CDHR2: variants seen among roughly 807,000 people sequenced by gnomAD.
CDHR2 encodes the protein cadherin-related family member 2.
CDHR2 carries 104 observed loss-of-function variants against 138.6 expected under a neutral mutation model. The ratio of observed to expected loss-of-function variants is 0.75; its 90% CI spans 0.64 to 0.88. The LOEUF (loss-of-function observed/expected upper bound fraction) is 0.88. Ranked by LOEUF, CDHR2 falls within the 40% of genes least tolerant of loss-of-function variation. CDHR2 has a pLI of 0.00. For synonymous variants in CDHR2, 755 were observed against 742.8 expected, an observed-to-expected ratio of 1.02 and a Z score of -0.27; for missense variants, 1,624 against 1,727.6, an observed-to-expected ratio of 0.94 and a Z score of 1.06.
Position 176,595,782 on chromosome 5 carries a change from C to A in CDHR2, c.*110C>A, listed in dbSNP as rs985571144. 3.4e-5 allele frequency: 37 copies of A among 1,099,216 alleles called. No individual in the cohort carries two copies. Among genetic ancestry groups the A allele is most frequent in the Non-Finnish European group, 4.0e-5 (32 of 799,686 alleles). The allele number at this position is 1,099,216 out of a possible 1,614,324, so 68.1% of individuals were successfully genotyped here. A position where few individuals can be genotyped will look rare whatever the true frequency, so the allele number is the denominator to read the frequency against. ...ACGCTGCCCTGCCTCCTGCTTTTGG[C>A]CAATCACGGCAGACAGGGGTTGGGG... is the stretch of plus-strand genomic sequence containing the variant. On this transcript the variant is annotated 3_prime_UTR_variant, in exon 32 of 32. Transcript: ENST00000261944.
At chr5:176,585,094 A>T (rs1758628939) in intron 19 of CDHR2, 79 bp downstream of exon 19, 1 of 1,443,992 alleles carries the variant, frequency 6.9e-7, no homozygotes, top group Non-Finnish European at 9.2e-7. Flanking sequence ...TGGAACTCAC[A>T]AGGTCTGGGC....
chr5:176,577,989 G>A (rs371400657), intron 14 of CDHR2, 45 bp from the exon 15 acceptor site: 241 of 1,564,972 alleles, frequency 1.5e-4, no homozygotes, highest in Middle Eastern at 1.2e-3. Flanking sequence ...GTGGCGGTGC[G>A]TGCATCGCCT....
rs1758974093 is a variant in CDHR2 at position 176,594,685 on chromosome 5, CG to C, written c.3793-845del. Among the ~76,000 whole-genome samples, 4 of 152,314 alleles carry C rather than the reference CG, an allele frequency of 2.6e-5. No individual in the cohort carries two copies. In the South Asian group the frequency reaches 8.3e-4, roughly 32 times the overall value. On this transcript the variant is annotated intron_variant, in intron 31 of 31. Transcript: ENST00000261944. ...AATGCTTAGCCCCTCTGGGGCCCCT[CG>C]GATGTTCCACTGTTTACTAGGGACC... is the stretch of plus-strand genomic sequence containing the variant.
chr5:176,578,891 A>C (rs1758466507), intron 16 of CDHR2, among the ~76,000 whole-genome samples: 1 of 152,224 alleles, frequency 6.6e-6, no homozygotes, highest in Non-Finnish European at 1.5e-5. Flanking sequence ...CCCCACTCCA[A>C]AAAGGACTTG....
At chr5:176,584,031 C>G (rs1386524856) in intron 17 of CDHR2, among the ~76,000 whole-genome samples, 159 bp from the exon 18 acceptor site, 6 of 152,142 alleles carry the variant, frequency 3.9e-5, no homozygotes, top group African/African-American at 1.4e-4. Context: ...GGCAAGTTCC[C>G]TCCTCTCAGA....
At chr5:176,573,916 G>A (rs1047535717) in intron 6 of CDHR2, among the ~76,000 whole-genome samples, 167 bp from the exon 7 acceptor site, 1 of 152,068 alleles carries the variant, frequency 6.6e-6, no homozygotes, top group Non-Finnish European at 1.5e-5. Context: ...CCTCTCTGCC[G>A]CCCCGCACCC....
At chr5:176,571,410 T>A in intron 6 of CDHR2, 108 bp downstream of exon 6, 1 of 687,420 alleles carries the variant, frequency 1.5e-6, no homozygotes, top group Non-Finnish European at 2.3e-6. Context: ...GGGAAAAACC[T>A]CTCCTAGCAG....
chr5:176,584,541 G>A lies in CDHR2; in HGVS notation c.2260G>A (p.Ala754Thr). The A allele has an allele frequency of 6.2e-7, 1 of 1,613,118 alleles. No individual in the cohort carries two copies. Among genetic ancestry groups the A allele is most frequent in the South Asian group, 1.1e-5 (1 of 90,956 alleles). ...IRGLVLGAGWAEGYLRLPPDV... is the reference protein window; with the variant it reads ...IRGLVLGAGWTEGYLRLPPDV... Reference sequence around the variant, plus strand: ...AGGCTTGGTGCTGGGGGCTGGGTGGGCTGAGGGCTACCTCCGGCTGCCCCC... The same window carrying A: ...AGGCTTGGTGCTGGGGGCTGGGTGGACTGAGGGCTACCTCCGGCTGCCCCC... The change falls in exon 19 of 32, where the codon GCT becomes ACT. Residue 754 changes from alanine (A) to threonine (T), a missense_variant. Coordinates refer to ENST00000261944, the MANE Select transcript of CDHR2 (RefSeq NM_017675.6).
At chr5:176,578,834 A>G (rs1758465253) in intron 16 of CDHR2, among the ~76,000 whole-genome samples, 1 of 152,250 alleles carries the variant, frequency 6.6e-6, no homozygotes. Flanking sequence ...TGGGCCTGCC[A>G]GAGAAATCCC....
intron 20 of CDHR2, 63 bp from the exon 21 acceptor site, chr5:176,586,730 C>T: frequency 6.8e-7 from 1 of 1,479,474 alleles, no homozygotes; most frequent in Non-Finnish European, 9.3e-7. Context: ...GGCTCGTGAC[C>T]AGCCTTGGTC....
intron 15 of CDHR2, 118 bp from the exon 16 acceptor site, chr5:176,578,247 T>G: frequency 8.1e-7 from 1 of 1,227,038 alleles, no homozygotes; most frequent in Non-Finnish European, 1.2e-6. Context: ...TTTGAAATAA[T>G]GAATATGTTG....
In CDHR2 at chr5:176,581,399, G is replaced by T; in HGVS notation, c.1875G>T (p.Leu625=). 1 of 1,614,116 alleles carries T rather than the reference G, an allele frequency of 6.2e-7. No individual in the cohort carries two copies. ...ACAGCCGTCTGCTCTTCAACCTGCT[G>T]CCTGGCCCCTACAGCCACAACTTCT... ...TNNSRLLFNL[L]PGPYSHNFSL... Residue 625 remains leucine, a synonymous_variant, in exon 17 of 32, where the codon CTG becomes CTT. Coordinates refer to ENST00000261944, the MANE Select transcript of CDHR2 (RefSeq NM_017675.6).
intron 3 of CDHR2, chr5:176,567,017 C>G (rs764128210): frequency 3.1e-5 from 14 of 456,132 alleles, no homozygotes; most frequent in South Asian, 2.2e-4. Context: ...TTGACAAATA[C>G]AAAACCTGTG....
At position 176,590,437 on chromosome 5, in the gene CDHR2, T is replaced by A. The variant is rs750046906; in HGVS notation, c.3366T>A (p.Asn1122Lys). 1 of 1,613,892 alleles carries A rather than the reference T, an allele frequency of 6.2e-7. No homozygotes were observed. Among genetic ancestry groups the A allele is most frequent in the African/African-American group, 1.3e-5 (1 of 74,886 alleles). The change falls in exon 27 of 32, where the codon AAT becomes AAA. Residue 1122 changes from asparagine (N) to lysine (K), a missense_variant. By Grantham distance (94) the Asn-to-Lys change is moderately conservative. Around this residue, in one of 3 missense-constraint regions of CDHR2, gnomAD observed 556 missense variants for 565.7 expected, o/e 0.98. Transcript: ENST00000261944. ...TLDELSVMIRNDQDSLTQLLQ... is the reference protein window; with the variant it reads ...TLDELSVMIRKDQDSLTQLLQ... ...GTTCTGTGGCCAGGATGATCCGGAA[T>A]GATCAGGACTCGCTGACGCAGCTGC...
In CDHR2 at chr5:176,591,077, C is replaced by G; in HGVS notation, c.3540-133C>G. The G allele has an allele frequency of 9.2e-6, 6 of 655,246 alleles. No individual in the cohort carries two copies. The South Asian group carries it at 1.1e-4, about 12-fold the overall frequency. The allele number at this position is 655,246 out of a possible 1,614,324, so 40.6% of individuals were successfully genotyped here. On this transcript the variant is annotated intron_variant, in intron 28 of 31. Coordinates refer to ENST00000261944, the MANE Select transcript of CDHR2 (RefSeq NM_017675.6). ...GGCAAATCACTTGCCTTCTCTGGCT[C>G]TTACTTCTACCCTCTGTAAAATAGA...
Position 176,578,427 on chromosome 5 carries a change from T to C in CDHR2, c.1637T>C (p.Leu546Pro), listed in dbSNP as rs1758452253. ...GTVTVRNGELLDRESQAVYYL... is the reference protein window; with the variant it reads ...GTVTVRNGELPDRESQAVYYL... ...GTGACGGTGAGGAACGGTGAGCTGC[T>C]GGACCGGGAGAGCCAGGCCGTGTAC... Residue 546 changes from leucine (L) to proline (P), a missense_variant, in exon 16 of 32, where the codon CTG becomes CCG. By Grantham distance (98) the Leu-to-Pro change is moderately conservative. This residue lies in a region of CDHR2 where 1,061 missense variants were observed against 1,136.6 expected (regional missense o/e 0.93). Transcript: ENST00000261944. 1 of 1,614,018 alleles carries C rather than the reference T, an allele frequency of 6.2e-7. No individual in the cohort carries two copies. Among genetic ancestry groups the C allele is most frequent in the African/African-American group, 1.3e-5 (1 of 74,938 alleles).
intron 30 of CDHR2, among the ~76,000 whole-genome samples, chr5:176,592,004 GGTA>G (rs1384176653): frequency 4.7e-5 from 7 of 149,826 alleles, no homozygotes; most frequent in East Asian, 2.0e-4. Context: ...TGGTGGTGAT[GGTA>G]GTGGTGGTGG....
intron 1 of CDHR2, among the ~76,000 whole-genome samples, chr5:176,550,810 C>T (rs567259118): frequency 6.6e-6 from 1 of 152,300 alleles, no homozygotes; most frequent in South Asian, 2.1e-4. Context: ...GGTATCCTCA[C>T]TCCCAGTGGT....
intron 9 of CDHR2, 30 bp from the exon 10 acceptor site, chr5:176,575,476 T>G (rs776904636): frequency 6.2e-7 from 1 of 1,613,888 alleles, no homozygotes; most frequent in South Asian, 1.1e-5. Flanking sequence ...GCGGGGAAGT[T>G]TGAGGAGCAC....
Sources: allele counts gnomAD v4.1 joint callset (sites outside exome capture counted in the v4.1 genomes callset), GRCh38; gene constraint gnomAD v4.1.1; regional missense constraint gnomAD v4.1.1; transcripts MANE v1.5; gene names NCBI Gene and HGNC (gene_info 2026-07-23, HGNC 2026-07-21).